MYO7B: variants seen among roughly 807,000 people sequenced by gnomAD.
MYO7B encodes myosin VIIB, also known as unconventional myosin-VIIb.
MYO7B carries 212 observed loss-of-function variants against 259.7 expected under a neutral mutation model. The ratio of observed to expected loss-of-function variants is 0.82; its 90% CI spans 0.73 to 0.91. The LOEUF is 0.91. MYO7B is among the 40% of genes least tolerant of loss of function. The pLI is 0.00. For synonymous variants in MYO7B, 1,197 were observed against 1,166.4 expected, an observed-to-expected ratio of 1.03 and a Z score of -0.54; for missense variants, 2,732 against 2,813.5, an observed-to-expected ratio of 0.97 and a Z score of 0.66.
rs759793831 is a variant in MYO7B, at chr2:127,607,253, G to T, written c.2472G>T (p.Pro824=). Residue 824 remains proline, a synonymous_variant, in exon 21 of 48, where the codon CCG becomes CCT. Transcript: ENST00000409816. The surrounding 1 kb of genome is among the most constrained non-coding windows in gnomAD (Gnocchi z 4.4). Reference sequence around the variant, plus strand: ...TGCAGGCTATTGCCCGGAGCCAGCCGCTGGCGAGGCAGTACCAGGCCATGC... The same window carrying T: ...TGCAGGCTATTGCCCGGAGCCAGCCTCTGGCGAGGCAGTACCAGGCCATGC... ...ERLQAIARSQ[P]LARQYQAMRQ... is the part of the protein sequence containing the mutation. 3.9e-6 allele frequency: 6 copies of T among 1,550,814 alleles called. No homozygotes were observed. The highest frequency in any genetic ancestry group is 5.2e-6 in the Non-Finnish European group (6 of 1,146,984).
At position 127,625,293 on chromosome 2, in the gene MYO7B, G is replaced by T. The variant is rs1483546142; in HGVS notation, c.4048-75G>T. ...GTGATGGGGCAAGAGCCCGGCCACG[G>T]GACAGGGGCATCCTGGGGAAGGGGG... On this transcript the variant is annotated intron_variant, in intron 30 of 47. Coordinates refer to ENST00000409816, the MANE Select transcript of MYO7B (RefSeq NM_001393586.1). 9 of 1,433,226 alleles carry T rather than the reference G, an allele frequency of 6.3e-6. No individual in the cohort carries two copies. The African/African-American group carries it at 1.2e-4, about 18-fold the overall frequency. 88.8% of individuals were successfully genotyped at this position (1,433,226 alleles called of 1,614,324 possible).
At chr2:127,588,163 G>T (rs1354397903) in intron 14 of MYO7B, among the ~76,000 whole-genome samples, 1 of 152,118 alleles carries the variant, frequency 6.6e-6, no homozygotes, top group African/African-American at 2.4e-5. Flanking sequence ...TTTGGAGTGG[G>T]AATGGGAATT....
chr2:127,542,213 C>CTCCCTTCCAGAAGAGGGGCAT (rs1193164268), intron 1 of MYO7B, among the ~76,000 whole-genome samples: 1 of 152,240 alleles, frequency 6.6e-6, no homozygotes, highest in Non-Finnish European at 1.5e-5. Flanking sequence ...GGGTGTTAGA[C>CTCCCTTCCAGAAGAGGGGCAT]TCCCTTCCAG....
In MYO7B at chr2:127,631,632, C is replaced by T. The variant is rs772577347; in HGVS notation, c.5128C>T (p.Arg1710Trp). The change falls in exon 38 of 48, where the codon CGG becomes TGG. Residue 1710 changes from arginine to tryptophan, a missense_variant. Around this residue, in one of 3 missense-constraint regions of MYO7B, gnomAD observed 821 missense variants for 769.3 expected, o/e 1.07. Transcript: ENST00000409816. ...ILRYMGDYPS[R>W]QAWPTLELTD... ...CCGGTACATGGGCGACTACCCTTCTCGGCAGGCCTGGCCCACCCTGGAGCT... is the reference window on the plus strand; with the variant it reads ...CCGGTACATGGGCGACTACCCTTCTTGGCAGGCCTGGCCCACCCTGGAGCT... 16 of 1,613,050 alleles carry T rather than the reference C, an allele frequency of 9.9e-6. No individual in the cohort carries two copies. The East Asian group carries it at 1.6e-4, about 16-fold the overall frequency.
At chr2:127,569,298 C>T (rs1167731792) in intron 5 of MYO7B, among the ~76,000 whole-genome samples, 1 of 151,580 alleles carries the variant, frequency 6.6e-6, no homozygotes, top group African/African-American at 2.4e-5. Flanking sequence ...ACAAAATTGG[C>T]CGGGAGTTGA....
Position 127,627,203 on chromosome 2 carries a change from G to T in MYO7B, c.4353G>T (p.Thr1451=), listed in dbSNP as rs775391994. 1 of 1,609,928 alleles carries T rather than the reference G, an allele frequency of 6.2e-7. No individual in the cohort carries two copies. Among genetic ancestry groups the T allele is most frequent in the Admixed American group, 1.7e-5 (1 of 59,400 alleles). ...GGCCAGGCCCCCGCCTGCCCAAGACGCAGCTGATCTTGGCTGTTAACTGGA... is the reference window on the plus strand; with the variant it reads ...GGCCAGGCCCCCGCCTGCCCAAGACTCAGCTGATCTTGGCTGTTAACTGGA... ...ITLSGPRLPK[T]QLILAVNWKG... The change falls in exon 33 of 48, where the codon ACG becomes ACT. Residue 1451 remains threonine, a synonymous_variant. Coordinates refer to ENST00000409816, the MANE Select transcript of MYO7B (RefSeq NM_001393586.1). The surrounding 1 kb of genome is among the most constrained non-coding windows in gnomAD (Gnocchi z 5.6).
chr2:127,624,444 G>C, intron 30 of MYO7B, 124 bp downstream of exon 30: 1 of 840,958 alleles, frequency 1.2e-6, no homozygotes, highest in East Asian at 2.7e-5. Flanking sequence ...GGGTCACAAG[G>C]GTGTAGGTCC....
intron 30 of MYO7B, among the ~76,000 whole-genome samples, chr2:127,624,847 C>G (rs1353289044): frequency 6.6e-6 from 1 of 152,216 alleles, no homozygotes; most frequent in Non-Finnish European, 1.5e-5. Context: ...CACAACCCTC[C>G]CTGTGCCAAG....
rs191804530 is a variant in MYO7B, at chr2:127,538,954, T to C, written c.-24+3123T>C. 2.9e-4 allele frequency among the ~76,000 whole-genome samples: 44 copies of C among 152,178 alleles called. 1 individual carries two copies. The Middle Eastern group carries it at 0.017, about 59-fold the overall frequency. ...CAGTTCCCTCTTCTATCAAATGGAGTAGCATCACTTACCTTGCAGGGTTGT... is the reference window on the plus strand; with the variant it reads ...CAGTTCCCTCTTCTATCAAATGGAGCAGCATCACTTACCTTGCAGGGTTGT... On this transcript the variant is annotated intron_variant, in intron 1 of 47. Coordinates refer to ENST00000409816, the MANE Select transcript of MYO7B (RefSeq NM_001393586.1).
At chr2:127,562,821 C>T (rs1486439941) in intron 2 of MYO7B, among the ~76,000 whole-genome samples, 1 of 152,062 alleles carries the variant, frequency 6.6e-6, no homozygotes, top group African/African-American at 2.4e-5. Flanking sequence ...CAGGGTTTCT[C>T]CATGTTGGCC....
chr2:127,572,613 G>A (rs1364005910), intron 6 of MYO7B, among the ~76,000 whole-genome samples: 1 of 135,828 alleles, frequency 7.4e-6, no homozygotes, highest in Non-Finnish European at 1.6e-5. Context: ...TTCTCTCTTT[G>A]TTTGTTTTGC....
Position 127,631,600 on chromosome 2 carries a change from C to A in MYO7B, c.5096C>A (p.Ala1699Asp), listed in dbSNP as rs200744905. 1 of 1,612,914 alleles carries A rather than the reference C, an allele frequency of 6.2e-7. No individual in the cohort carries two copies. Among genetic ancestry groups the A allele is most frequent in the Non-Finnish European group, 8.5e-7 (1 of 1,179,710 alleles). ...LWDIACQIFV[A>D]ILRYMGDYPS... ...GCACTGTGCTCCTTGACAGCCACACCCATCCTCCGGTACATGGGCGACTAC... is the reference window on the plus strand; with the variant it reads ...GCACTGTGCTCCTTGACAGCCACACACATCCTCCGGTACATGGGCGACTAC... Residue 1699 changes from alanine to aspartate, a missense_variant and splice_region_variant, in exon 38 of 48, where the codon GCC (alanine) becomes GAC (aspartate). By Grantham distance (126) the Ala-to-Asp change is moderately radical. Transcript: ENST00000409816.
chr2:127,629,821 C>A lies in MYO7B; in HGVS notation c.4801C>A (p.Leu1601Met). The change falls in exon 35 of 48, where the codon CTG (leucine) becomes ATG (methionine). Residue 1601 changes from leucine to methionine, a missense_variant. Leu to Met is a conservative substitution (Grantham distance 15, BLOSUM62 2). This residue lies in a region of MYO7B where 821 missense variants were observed against 769.3 expected (regional missense o/e 1.07). Coordinates refer to ENST00000409816, the MANE Select transcript of MYO7B (RefSeq NM_001393586.1). The stretch of plus-strand genomic sequence containing the variant: ...CACGGTCACTAAGCCCTCGGCACAG[C>A]TGCTGGTAACTGGCACGCTCCCCTG... ...IPTVTKPSAQ[L>M]LSLLAMSPEK... The A allele has an allele frequency of 6.4e-7, 1 of 1,557,934 alleles. No individual in the cohort carries two copies. Among genetic ancestry groups the A allele is most frequent in the Non-Finnish European group, 8.7e-7 (1 of 1,149,750 alleles).
At chr2:127,566,928 A>G (rs1287531035) in intron 5 of MYO7B, 101 bp downstream of exon 5, 40 of 1,266,036 alleles carry the variant, frequency 3.2e-5, no homozygotes, top group Non-Finnish European at 4.1e-5. Context: ...TCCCTACTCC[A>G]TGGCACACAC....
Position 127,607,538 on chromosome 2 carries a change from C to A in MYO7B, c.2643+114C>A, listed in dbSNP as rs1415981745. ...GCTCACCAGAAGCGCTTTGGAAAATCCCCCCGCCCCCGCCACAAGCCAAGA... is the reference window on the plus strand; with the variant it reads ...GCTCACCAGAAGCGCTTTGGAAAATACCCCCGCCCCCGCCACAAGCCAAGA... On this transcript the variant is annotated intron_variant, in intron 21 of 47. Coordinates refer to ENST00000409816, the MANE Select transcript of MYO7B (RefSeq NM_001393586.1). This position sits in a 1 kb window ranked among gnomAD's most constrained non-coding sequence, Gnocchi z 4.4. 2.4e-6 allele frequency: 2 copies of A among 848,404 alleles called. No individual in the cohort carries two copies. The highest frequency in any genetic ancestry group is 1.7e-5 in the African/African-American group (1 of 58,544). 52.6% of individuals were successfully genotyped at this position (848,404 alleles called of 1,614,324 possible).
chr2:127,548,780 A>G (rs1693334073), intron 1 of MYO7B, among the ~76,000 whole-genome samples: 1 of 152,138 alleles, frequency 6.6e-6, no homozygotes, highest in South Asian at 2.1e-4. Flanking sequence ...ATTGGATTCC[A>G]CAAATTTCGA....
chr2:127,586,507 G>A lies in MYO7B; in HGVS notation c.1690+1594G>A, dbSNP rs1679311210. Among the ~76,000 whole-genome samples the A allele has an allele frequency of 6.6e-6, 1 of 152,174 alleles. No individual in the cohort carries two copies. Among genetic ancestry groups the A allele is most frequent in the East Asian group, 1.9e-4 (1 of 5,186 alleles). On this transcript the variant is annotated intron_variant, in intron 14 of 47. Transcript: ENST00000409816. This position sits in a 1 kb window ranked among gnomAD's most constrained non-coding sequence, Gnocchi z 4.8. ...GGCTTTGGGAGGCCAAGGGAGAAAGGGAAAGGTGCCGTGGCTCCTTCATAG... is the reference window on the plus strand; with the variant it reads ...GGCTTTGGGAGGCCAAGGGAGAAAGAGAAAGGTGCCGTGGCTCCTTCATAG...
chr2:127,567,934 G>A (rs920441483), intron 5 of MYO7B, among the ~76,000 whole-genome samples: 3 of 152,156 alleles, frequency 2.0e-5, no homozygotes, highest in Non-Finnish European at 2.9e-5. Flanking sequence ...GGCCAGGCAC[G>A]GCCTCTCTGA....
At chr2:127,580,327 T>C (rs1679050565) in intron 9 of MYO7B, among the ~76,000 whole-genome samples, 1 of 152,104 alleles carries the variant, frequency 6.6e-6, no homozygotes, top group Non-Finnish European at 1.5e-5. Context: ...GGAGCTCCAT[T>C]AGTGCTTTGC....
Sources: gnomAD v4.1 joint callset for allele counts (sites outside exome capture counted in the v4.1 genomes callset) on GRCh38, gnomAD v4.1.1 for gene constraint, gnomAD v4.1.1 regional missense constraint, Gnocchi (gnomAD v3.1) non-coding constraint, MANE v1.5 for transcripts, NCBI Gene and HGNC (gene_info 2026-07-23, HGNC 2026-07-21) for gene names.